The following FTSJ3 variants were observed in gnomAD, a reference collection of about 807,000 sequenced individuals.
FTSJ3 encodes pre-rRNA 2'-O-ribose RNA methyltransferase FTSJ3.
A neutral mutation model predicts 111.5 loss-of-function variants in FTSJ3; 46 were observed. The observed-to-expected ratio is 0.41, with a 90% CI of 0.33 to 0.53. The LOEUF is 0.53. FTSJ3 is among the 20% of genes least tolerant of loss of function. The pLI is 0.19. For missense variants in FTSJ3, 1,075 were observed against 1,063.8 expected, an observed-to-expected ratio of 1.01 and a Z score of -0.15; for synonymous variants, 408 against 383.0, an observed-to-expected ratio of 1.07 and a Z score of -0.76.
At position 63,824,066 on chromosome 17, in the gene FTSJ3, TA is replaced by T. The variant is rs1357177867; in HGVS notation, c.1154+17del. The T allele has an allele frequency of 6.2e-7, 1 of 1,614,132 alleles. No homozygotes were observed. Among genetic ancestry groups the T allele is most frequent in the Non-Finnish European group, 8.5e-7 (1 of 1,179,960 alleles). ...CCCTGCGTTGGGGAACTCCAAGCTC[TA>T]CCCCAGCTCCTTTCACCTCTTCAAT... On this transcript the variant is annotated intron_variant, in intron 12 of 20. Transcript: ENST00000427159.
Position 63,827,249 on chromosome 17 carries a change from A to G in FTSJ3, c.-224T>C, listed in dbSNP as rs895811291. The G allele has an allele frequency of 3.3e-6, 2 of 612,964 alleles. No individual in the cohort carries two copies. The highest frequency in any genetic ancestry group is 2.0e-5 in the South Asian group (1 of 50,742). The allele number at this position is 612,964 out of a possible 1,614,324, so 38.0% of individuals were successfully genotyped here. On this transcript the variant is annotated 5_prime_UTR_variant, in exon 1 of 21. Coordinates refer to ENST00000427159, the MANE Select transcript of FTSJ3 (RefSeq NM_017647.4). ...ACTAGGAAGGCATATCACAAGAACT[A>G]TAAACAGAGTTTCAATGAGGCAACA...
intron 5 of FTSJ3, 33 bp downstream of exon 5, chr17:63,826,023 T>A: frequency 6.5e-7 from 1 of 1,539,042 alleles, no homozygotes; most frequent in Non-Finnish European, 8.9e-7. Context: ...TGTTTCCGTA[T>A]AAAGGGGGAA....
At chr17:63,824,538 A>T in intron 10 of FTSJ3, 99 bp downstream of exon 10, 1 of 1,430,652 alleles carries the variant, frequency 7.0e-7, no homozygotes. Context: ...CCCCCATCCC[A>T]AACCTTTAGC....
chr17:63,821,813 T>A lies in FTSJ3; in HGVS notation c.1506A>T (p.Lys502Asn). ...RMRLTEVQDD[K>N]EEEEEENPLL... ...GTGGATTCTCCTCCTCCTCCTCCTC[T>A]TTATCATCTTGCACTTCAGTAAGTC... is the stretch of plus-strand genomic sequence containing the variant. Residue 502 changes from lysine to asparagine, a missense_variant, in exon 15 of 21, where the codon AAA becomes AAT. Lys to Asn is a moderately conservative substitution (Grantham distance 94). Coordinates refer to ENST00000427159, the MANE Select transcript of FTSJ3 (RefSeq NM_017647.4). 6.2e-7 allele frequency: 1 copy of A among 1,614,028 alleles called. No homozygotes were observed. Among genetic ancestry groups the A allele is most frequent in the Non-Finnish European group, 8.5e-7 (1 of 1,179,984 alleles).
rs2040075709 is a variant in FTSJ3 at position 63,824,146 on chromosome 17, CTCCTCCTCT to C, written c.1083_1091del (p.Glu364_Glu366del). ...CCAAGGTCTGGTTCAGTTGTTCCTC[CTCCTCCTCT>C]TCCTCCTCCTCCTTAGAGGGCTGCT... is the stretch of plus-strand genomic sequence containing the variant. On this transcript the variant is annotated inframe_deletion, in exon 12 of 21. Transcript: ENST00000427159. The C allele has an allele frequency of 2.5e-6, 4 of 1,613,914 alleles. No individual in the cohort carries two copies. Among genetic ancestry groups the C allele is most frequent in the African/African-American group, 2.7e-5 (2 of 74,878 alleles).
Position 63,827,487 on chromosome 17 carries a change from G to A in FTSJ3, c.-462C>T. 3 of 1,551,758 alleles carry A rather than the reference G, an allele frequency of 1.9e-6. No homozygotes were observed. The highest frequency in any genetic ancestry group is 2.7e-5 in the African/African-American group (2 of 73,200). On this transcript the variant is annotated 5_prime_UTR_variant, in exon 1 of 21. Transcript: ENST00000427159. Reference sequence around the variant, plus strand: ...ATGCCGGCGGTCTCTGCTGAAGAGAGAAGATGGCGCTTGACGGACCAGAGC... The same window carrying A: ...ATGCCGGCGGTCTCTGCTGAAGAGAAAAGATGGCGCTTGACGGACCAGAGC...
chr17:63,827,063 G>C lies in FTSJ3; in HGVS notation c.-38C>G, dbSNP rs1409262510. ...TCTCCGCACACTACCTAGACCCAGA[G>C]CCGCTTTCTCCACACTTGGAACCGC... is the stretch of plus-strand genomic sequence containing the variant. On this transcript the variant is annotated 5_prime_UTR_variant, in exon 1 of 21. Coordinates refer to ENST00000427159, the MANE Select transcript of FTSJ3 (RefSeq NM_017647.4). 2.9e-6 allele frequency: 2 copies of C among 690,104 alleles called. No homozygotes were observed. The highest frequency in any genetic ancestry group is 3.6e-5 in the African/African-American group (2 of 56,212). 42.7% of individuals were successfully genotyped at this position (690,104 alleles called of 1,614,324 possible).
At chr17:63,825,987 C>A (rs1335081351) in intron 5 of FTSJ3, 69 bp downstream of exon 5, 3 of 1,330,930 alleles carry the variant, frequency 2.3e-6, no homozygotes, top group South Asian at 1.3e-5. Flanking sequence ...GAAAAACTTG[C>A]CTTTAGAGGA....
Position 63,819,585 on chromosome 17 carries a change from G to C in FTSJ3, c.*217C>G, listed in dbSNP as rs1456391383. 1.8e-6 allele frequency: 1 copy of C among 564,646 alleles called. No homozygotes were observed. Among genetic ancestry groups the C allele is most frequent in the African/African-American group, 1.9e-5 (1 of 53,474 alleles). 35.0% of individuals were successfully genotyped at this position (564,646 alleles called of 1,614,324 possible). ...AAAAAGGGTCATGAGTGTCAACACA[G>C]TTCAGCAGTGTTTTCATGGGAGACC... On this transcript the variant is annotated 3_prime_UTR_variant, in exon 21 of 21. Transcript: ENST00000427159.
At position 63,825,544 on chromosome 17, in the gene FTSJ3, T is replaced by C; in HGVS notation, c.392A>G (p.Tyr131Cys). ...CACCACACTCCCTGTACCTTGTGAG[T>C]AAGCATCATGGACCCAGCTAGCCCC... ...NVGASWVHDA[Y>C]SQAHLTLMAL... The change falls in exon 6 of 21, where the codon TAC becomes TGC. Residue 131 changes from tyrosine (Y) to cysteine (C), a missense_variant. Transcript: ENST00000427159. 1 of 1,614,016 alleles carries C rather than the reference T, an allele frequency of 6.2e-7. No individual in the cohort carries two copies. Among genetic ancestry groups the C allele is most frequent in the East Asian group, 2.2e-5 (1 of 44,886 alleles).
Position 63,825,138 on chromosome 17 carries a change from G to A in FTSJ3, c.621C>T (p.Asp207=), listed in dbSNP as rs907039646. The stretch of plus-strand genomic sequence containing the variant: ...CAAATTTGGGGTCAAAGAATTTACT[G>A]TCAACCTTGTCAGGGGCCAGGAATC... ...CQGFLAPDKV[D]SKFFDPKFAF... is the part of the protein sequence containing the mutation. Residue 207 remains aspartate, a synonymous_variant, in exon 8 of 21, where the codon GAC becomes GAT. Transcript: ENST00000427159. The A allele has an allele frequency of 6.2e-7, 1 of 1,614,146 alleles. No homozygotes were observed. Among genetic ancestry groups the A allele is most frequent in the African/African-American group, 1.3e-5 (1 of 75,022 alleles).
At chr17:63,820,226 A>T (rs373733718) in intron 19 of FTSJ3, 29 bp downstream of exon 19, 7 of 270,652 alleles carry the variant, frequency 2.6e-5, no homozygotes, top group African/African-American at 1.1e-4. Flanking sequence ...CCCCCACCCC[A>T]CCCAATCTCT....
At position 63,825,757 on chromosome 17, in the gene FTSJ3, G is replaced by A. The variant is rs1053043504; in HGVS notation, c.301-122C>T. 2.4e-5 allele frequency: 19 copies of A among 783,808 alleles called. No individual in the cohort carries two copies. The East Asian group carries it at 3.1e-4, about 13-fold the overall frequency. The allele number at this position is 783,808 out of a possible 1,614,324, so 48.6% of individuals were successfully genotyped here. The stretch of plus-strand genomic sequence containing the variant: ...GCCAAATGCAGTACCAGGCACAGGA[G>A]ATACAATAGTAAACAAAAACAGTAT... On this transcript the variant is annotated intron_variant, in intron 5 of 20. Coordinates refer to ENST00000427159, the MANE Select transcript of FTSJ3 (RefSeq NM_017647.4).
rs1567755814 is a variant in FTSJ3, at chr17:63,827,481, A to G, written c.-456T>C. 2.6e-6 allele frequency: 4 copies of G among 1,551,708 alleles called. No individual in the cohort carries two copies. The highest frequency in any genetic ancestry group is 8.7e-7 in the Non-Finnish European group (1 of 1,147,006). ...GCTCGGATGCCGGCGGTCTCTGCTGAAGAGAGAAGATGGCGCTTGACGGAC... is the reference window on the plus strand; with the variant it reads ...GCTCGGATGCCGGCGGTCTCTGCTGGAGAGAGAAGATGGCGCTTGACGGAC... On this transcript the variant is annotated 5_prime_UTR_variant, in exon 1 of 21. Coordinates refer to ENST00000427159, the MANE Select transcript of FTSJ3 (RefSeq NM_017647.4).
At chr17:63,826,495 A>C in intron 3 of FTSJ3, 72 bp downstream of exon 3, 1 of 1,359,378 alleles carries the variant, frequency 7.4e-7, no homozygotes, top group Non-Finnish European at 1.0e-6. Context: ...TCCCGCAGTG[A>C]AACTGGAAGC....
chr17:63,826,270 T>C lies in FTSJ3; in HGVS notation c.208A>G (p.Ser70Gly). ...GTCCGTTACTCACCCACAATAAGGC[T>C]GGATACAGGCATAAACTTGGCAGCT... Reference protein sequence around the residue: ...QVAAKFMPVSSLIVGVDLVPI... With the variant: ...QVAAKFMPVSGLIVGVDLVPI... The change falls in exon 4 of 21, where the codon AGC (serine) becomes GGC (glycine). Residue 70 changes from serine to glycine, a missense_variant. Coordinates refer to ENST00000427159, the MANE Select transcript of FTSJ3 (RefSeq NM_017647.4). 1.2e-6 allele frequency: 2 copies of C among 1,614,142 alleles called. No individual in the cohort carries two copies. Among genetic ancestry groups the C allele is most frequent in the Non-Finnish European group, 1.7e-6 (2 of 1,180,006 alleles).
At chr17:63,820,724 C>T (rs957957504) in intron 18 of FTSJ3, 115 bp downstream of exon 18, 13 of 641,990 alleles carry the variant, frequency 2.0e-5, no homozygotes, top group Admixed American at 1.7e-4. Flanking sequence ...GAGCCAAGAT[C>T]GTGCCATTGC....
In FTSJ3 at chr17:63,825,062, T is replaced by C. The variant is rs2040085213; in HGVS notation, c.697A>G (p.Lys233Glu). The C allele has an allele frequency of 6.2e-7, 1 of 1,613,964 alleles. No homozygotes were observed. The highest frequency in any genetic ancestry group is 8.5e-7 in the Non-Finnish European group (1 of 1,179,840). The change falls in exon 8 of 21, where the codon AAG becomes GAG. Residue 233 changes from lysine to glutamate, a missense_variant. Lys to Glu is a moderately conservative substitution (Grantham distance 56). Around this residue, in one of 2 missense-constraint regions of FTSJ3, gnomAD observed 867 missense variants for 796.9 expected, o/e 1.09. Coordinates refer to ENST00000427159, the MANE Select transcript of FTSJ3 (RefSeq NM_017647.4). ...CCAAAACACACCTTTGGCTTCTTCTTAGTAACCAATTCAGTAACGGTCTTA... is the reference window on the plus strand; with the variant it reads ...CCAAAACACACCTTTGGCTTCTTCTCAGTAACCAATTCAGTAACGGTCTTA... The part of the protein sequence containing the change: ...QAKTVTELVT[K>E]KKPKAEGYAE...
chr17:63,819,504 G>A lies in FTSJ3; in HGVS notation c.*298C>T, dbSNP rs908444716. ...GCTTAAGTGGCCCACACGTCCAGGTGTAGACTGACTACATTGAGTATCGCT... is the reference window on the plus strand; with the variant it reads ...GCTTAAGTGGCCCACACGTCCAGGTATAGACTGACTACATTGAGTATCGCT... On this transcript the variant is annotated 3_prime_UTR_variant, in exon 21 of 21. Coordinates refer to ENST00000427159, the MANE Select transcript of FTSJ3 (RefSeq NM_017647.4). 2 of 353,944 alleles carry A rather than the reference G, an allele frequency of 5.7e-6. No individual in the cohort carries two copies. The highest frequency in any genetic ancestry group is 4.3e-5 in the Admixed American group (1 of 23,392). 21.9% of individuals were successfully genotyped at this position (353,944 alleles called of 1,614,324 possible).
Sources: gnomAD v4.1 joint callset for allele counts on GRCh38, gnomAD v4.1.1 for gene constraint, gnomAD v4.1.1 regional missense constraint, MANE v1.5 for transcripts, NCBI Gene and HGNC (gene_info 2026-07-23, HGNC 2026-07-21) for gene names.